The following SH3GL2 variants were observed in gnomAD, a reference collection of about 807,000 sequenced individuals.
SH3GL2 encodes endophilin-A1.
In SH3GL2, 24 loss-of-function variants were observed where a neutral mutation model predicts 46.0. The observed-to-expected ratio is 0.52, with a 90% CI of 0.38 to 0.73. The LOEUF is 0.73. Among genes scored for constraint, SH3GL2 ranks in the 30% least tolerant of loss-of-function variants. The pLI is 0.00. For missense variants in SH3GL2, 413 were observed against 424.2 expected, an observed-to-expected ratio of 0.97 and a Z score of 0.23; for synonymous variants, 196 against 147.1, an observed-to-expected ratio of 1.33 and a Z score of -2.40.
chr9:17,775,988 T>C (rs1276702550), intron 3 of SH3GL2, among the ~76,000 whole-genome samples: 1 of 152,200 alleles, frequency 6.6e-6, no homozygotes, highest in East Asian at 1.9e-4. Context: ...AATACAGCAA[T>C]TTAAATCAGG....
At chr9:17,641,594 C>T (rs1459038616) in intron 1 of SH3GL2, among the ~76,000 whole-genome samples, 1 of 152,102 alleles carries the variant, frequency 6.6e-6, no homozygotes, top group Non-Finnish European at 1.5e-5. Context: ...TTCCCTTGCC[C>T]CACATTCCCT....
At chr9:17,690,442 A>G (rs1821046803) in intron 1 of SH3GL2, among the ~76,000 whole-genome samples, 1 of 152,050 alleles carries the variant, frequency 6.6e-6, no homozygotes, top group Non-Finnish European at 1.5e-5. Context: ...GGTTTCCCCC[A>G]CATCACATGT....
At chr9:17,681,954 A>G (rs1216036030) in intron 1 of SH3GL2, among the ~76,000 whole-genome samples, 3 of 152,182 alleles carry the variant, frequency 2.0e-5, no homozygotes, top group Non-Finnish European at 2.9e-5. Flanking sequence ...GCTCAACATC[A>G]CTGAAAAAAA....
chr9:17,740,083 T>C (rs1162166084), intron 1 of SH3GL2, among the ~76,000 whole-genome samples: 1 of 152,172 alleles, frequency 6.6e-6, no homozygotes, highest in African/African-American at 2.4e-5. Flanking sequence ...TCATTGTTTT[T>C]TATATTATAT....
chr9:17,641,644 T>C (rs923034347), intron 1 of SH3GL2, among the ~76,000 whole-genome samples: 12 of 152,144 alleles, frequency 7.9e-5, no homozygotes, highest in African/African-American at 2.7e-4. Context: ...CCTGTGTCCA[T>C]GTGTTCTCAT....
At chr9:17,727,110 G>A (rs1265180487) in intron 1 of SH3GL2, among the ~76,000 whole-genome samples, 1 of 152,176 alleles carries the variant, frequency 6.6e-6, no homozygotes, top group Non-Finnish European at 1.5e-5. Context: ...TAGACTTACA[G>A]TGGAACACGA....
At chr9:17,610,349 C>T (rs1316966890) in intron 1 of SH3GL2, among the ~76,000 whole-genome samples, 6 of 151,976 alleles carry the variant, frequency 3.9e-5, no homozygotes, top group African/African-American at 1.5e-4. Flanking sequence ...TTTATGTATT[C>T]AGTGAACACT....
intron 1 of SH3GL2, among the ~76,000 whole-genome samples, chr9:17,743,692 T>A (rs1371871334): frequency 1.3e-5 from 2 of 152,180 alleles, no homozygotes; most frequent in Non-Finnish European, 1.5e-5. Flanking sequence ...GGGATCCAAG[T>A]ATCTCATTTG....
intron 1 of SH3GL2, among the ~76,000 whole-genome samples, chr9:17,742,801 AT>A (rs1214303185): frequency 6.6e-6 from 1 of 152,156 alleles, no homozygotes; most frequent in African/African-American, 2.4e-5. Flanking sequence ...TGAACCATCA[AT>A]GTTTTTAGGT....
intron 8 of SH3GL2, among the ~76,000 whole-genome samples, chr9:17,795,228 C>T (rs1037984216): frequency 3.3e-5 from 5 of 152,124 alleles, no homozygotes; most frequent in South Asian, 2.1e-4. Context: ...GGCATTATCA[C>T]GAAGGCAAAC....
At position 17,787,050 on chromosome 9, in the gene SH3GL2, G is replaced by A. The variant is rs987944652; in HGVS notation, c.332-330G>A. 1.8e-4 allele frequency among the ~76,000 whole-genome samples: 28 copies of A among 152,198 alleles called. No homozygotes were observed. In the South Asian group the frequency reaches 4.4e-3, roughly 24 times the overall value. Reference sequence around the variant, plus strand: ...TGGGATCTCCTTCCTGGTTGAACCCGGCTATTTCTGGTACTTGCTTCTGCT... The same window carrying A: ...TGGGATCTCCTTCCTGGTTGAACCCAGCTATTTCTGGTACTTGCTTCTGCT... On this transcript the variant is annotated intron_variant, in intron 4 of 8. Coordinates refer to ENST00000380607, the MANE Select transcript of SH3GL2 (RefSeq NM_003026.5).
At chr9:17,591,780 G>C (rs1250658761) in intron 1 of SH3GL2, among the ~76,000 whole-genome samples, 1 of 152,214 alleles carries the variant, frequency 6.6e-6, no homozygotes, top group East Asian at 1.9e-4. Context: ...ATAGTGTCCA[G>C]TAAAACTGTG....
intron 2 of SH3GL2, among the ~76,000 whole-genome samples, chr9:17,751,473 T>TTTGTGC (rs1348638902): frequency 2.3e-5 from 3 of 128,814 alleles, no homozygotes; most frequent in African/African-American, 5.9e-5. Context: ...TGTGTTTTTG[T>TTTGTGC]GTGTGCGTGT....
intron 1 of SH3GL2, among the ~76,000 whole-genome samples, chr9:17,739,563 C>T (rs1409785427): frequency 6.6e-6 from 1 of 152,024 alleles, no homozygotes; most frequent in East Asian, 1.9e-4. Context: ...TCTTAAATTG[C>T]CCCTTATCTG....
chr9:17,728,199 T>C (rs1158488992), intron 1 of SH3GL2, among the ~76,000 whole-genome samples: 1 of 152,148 alleles, frequency 6.6e-6, no homozygotes, highest in Non-Finnish European at 1.5e-5. Flanking sequence ...GGAACCTGAC[T>C]CTTGTGGTGC....
At chr9:17,711,746 G>C (rs1821630595) in intron 1 of SH3GL2, among the ~76,000 whole-genome samples, 1 of 151,836 alleles carries the variant, frequency 6.6e-6, no homozygotes, top group African/African-American at 2.4e-5. Context: ...TTCAGCTTTG[G>C]AGAATTATAA....
At chr9:17,754,259 C>G (rs935627893) in intron 2 of SH3GL2, among the ~76,000 whole-genome samples, 1 of 152,184 alleles carries the variant, frequency 6.6e-6, no homozygotes, top group African/African-American at 2.4e-5. Flanking sequence ...AATTCATAAA[C>G]TGCTTTGAGC....
At chr9:17,685,944 G>A (rs2118082823) in intron 1 of SH3GL2, among the ~76,000 whole-genome samples, 1 of 149,986 alleles carries the variant, frequency 6.7e-6, no homozygotes, top group South Asian at 2.1e-4. Context: ...TGACAAATGG[G>A]ATCTAATTAA....
chr9:17,617,928 G>A lies in SH3GL2; in HGVS notation c.45+38641G>A, dbSNP rs146208026. 3.9e-3 allele frequency among the ~76,000 whole-genome samples: 595 copies of A among 152,224 alleles called. 3 individuals are homozygous for A. The highest frequency in any genetic ancestry group is 7.1e-3 in the Non-Finnish European group (481 of 68,032). On this transcript the variant is annotated intron_variant, in intron 1 of 8. Coordinates refer to ENST00000380607, the MANE Select transcript of SH3GL2 (RefSeq NM_003026.5). The stretch of plus-strand genomic sequence containing the variant: ...GCTCAAGACTTGAGTTGTAAAAATC[G>A]TGTTGTATTGTGGGACAAAAATCAA...
Sources: allele counts gnomAD v4.1 joint callset (sites outside exome capture counted in the v4.1 genomes callset), GRCh38; gene constraint gnomAD v4.1.1; transcripts MANE v1.5; gene names NCBI Gene and HGNC (gene_info 2026-07-23, HGNC 2026-07-21).